Variants in DGKB observed in about 807,000 individuals in gnomAD.
DGKB encodes diacylglycerol kinase beta, also known as 90 kDa diacylglycerol kinase.
In DGKB, 67 loss-of-function variants were observed where a neutral mutation model predicts 114.3. That is an observed-to-expected ratio of 0.59 (90% CI 0.48 to 0.72). The LOEUF is 0.72. DGKB is among the 30% of genes least tolerant of loss of function. DGKB has a pLI of 0.00. For missense variants in DGKB, 907 were observed against 975.2 expected (o/e 0.93, Z 0.93); for synonymous variants, 398 against 323.1 (o/e 1.23, Z -2.49).
intron 23 of DGKB, among the ~76,000 whole-genome samples, chr7:14,206,092 G>T (rs1301347061): frequency 6.6e-6 from 1 of 151,810 alleles, no homozygotes; most frequent in Non-Finnish European, 1.5e-5. Flanking sequence ...TTAAAACTTG[G>T]CTTTACTGAA....
At chr7:14,261,247 A>G (rs375053789) in intron 23 of DGKB, among the ~76,000 whole-genome samples, 1 of 120,806 alleles carries the variant, frequency 8.3e-6, no homozygotes, top group African/African-American at 3.4e-5. Context: ...CATTTCAGTG[A>G]AAAAAAAAAA....
chr7:14,355,263 G>T (rs748057721), intron 21 of DGKB, among the ~76,000 whole-genome samples: 1 of 151,728 alleles, frequency 6.6e-6, no homozygotes, highest in African/African-American at 2.4e-5. Flanking sequence ...AGAATATAAA[G>T]TTCATTTCTT....
At chr7:14,365,518 T>G (rs928881790) in intron 21 of DGKB, among the ~76,000 whole-genome samples, 2 of 152,050 alleles carry the variant, frequency 1.3e-5, no homozygotes, top group Non-Finnish European at 2.9e-5. Context: ...ACAAAATAAT[T>G]TCCTTTTTCT....
At chr7:14,361,770 A>G (rs1815781571) in intron 21 of DGKB, among the ~76,000 whole-genome samples, 1 of 152,062 alleles carries the variant, frequency 6.6e-6, no homozygotes, top group African/African-American at 2.4e-5. Context: ...ACAGATAATA[A>G]ATGGAGACGA....
rs766707494 is a variant in DGKB, at chr7:14,839,824, G to GTTTTTTTAGTTTTTTAAAACTAAAAA, written c.70+1369_70+1370insTTTTTAGTTTTAAAAAACTAAAAAAA. Among the ~76,000 whole-genome samples, 657 of 152,034 alleles carry GTTTTTTTAGTTTTTTAAAACTAAAAA rather than the reference G, an allele frequency of 4.3e-3. 4 individuals are homozygous for GTTTTTTTAGTTTTTTAAAACTAAAAA. Among genetic ancestry groups the GTTTTTTTAGTTTTTTAAAACTAAAAA allele is most frequent in the Non-Finnish European group, 6.2e-3 (420 of 67,972 alleles). ...ATTATTGACTCAGTCAATAGTCATA[G>GTTTTTTTAGTTTTTTAAAACTAAAAA]ACTTTTTTTAGTTTTTTAAAATGCC... On this transcript the variant is annotated intron_variant, in intron 2 of 25. Transcript: ENST00000402815.
At position 14,356,393 on chromosome 7, in the gene DGKB, G is replaced by A. The variant is rs112417630; in HGVS notation, c.1836-11002C>T. 6.2e-3 allele frequency among the ~76,000 whole-genome samples: 721 copies of A among 116,958 alleles called. 10 individuals are homozygous for A. The highest frequency in any genetic ancestry group is 0.023 in the African/African-American group (681 of 29,718). 76.7% of individuals were successfully genotyped at this position (116,958 alleles called of 152,430 possible). On this transcript the variant is annotated intron_variant, in intron 21 of 25. Coordinates refer to ENST00000402815, the MANE Select transcript of DGKB (RefSeq NM_001350709.2). ...TTTTTTTTTTTTGAGACGGAGTCTC[G>A]CTCTATTGCCCAGGCTGGAGTGCAG...
chr7:14,689,199 A>ATCTTTTTTTTTTTTTTTTTTTTTTT (rs1822290246), intron 9 of DGKB, among the ~76,000 whole-genome samples: 1 of 76,566 alleles, frequency 1.3e-5, no homozygotes, highest in Non-Finnish European at 2.6e-5. Context: ...AACTCCTCTT[A>ATCTTTTTTTTTTTTTTTTTTTTTTT]TTTTTTTTTT....
intron 20 of DGKB, among the ~76,000 whole-genome samples, chr7:14,573,246 A>G (rs1798645064): frequency 6.6e-6 from 1 of 152,158 alleles, no homozygotes; most frequent in Non-Finnish European, 1.5e-5. Flanking sequence ...ACCATTGTAT[A>G]TTTAGCCTTC....
chr7:14,527,396 G>T (rs1029525823), intron 20 of DGKB, among the ~76,000 whole-genome samples: 1 of 151,922 alleles, frequency 6.6e-6, no homozygotes, highest in African/African-American at 2.4e-5. Flanking sequence ...TGGTCATTTT[G>T]GTAGCTCTAT....
At chr7:14,265,140 A>ATTTT (rs35138234) in intron 23 of DGKB, among the ~76,000 whole-genome samples, 133 of 142,744 alleles carry the variant, frequency 9.3e-4, no homozygotes, top group Middle Eastern at 3.6e-3. Context: ...TCCGGAGATC[A>ATTTT]TTTTTTTTTT....
Position 14,462,863 on chromosome 7 carries a change from A to G in DGKB, c.1835+15298T>C, listed in dbSNP as rs1400233702. The stretch of plus-strand genomic sequence containing the variant: ...ACTATATGACAAGGCTACAGTAACC[A>G]AAACAGCATGGTACTGGTACCAAAA... On this transcript the variant is annotated intron_variant, in intron 21 of 25. Coordinates refer to ENST00000402815, the MANE Select transcript of DGKB (RefSeq NM_001350709.2). Among the ~76,000 whole-genome samples, 4 of 152,214 alleles carry G rather than the reference A, an allele frequency of 2.6e-5. No individual in the cohort carries two copies. The East Asian group carries it at 7.7e-4, about 29-fold the overall frequency.
intron 23 of DGKB, among the ~76,000 whole-genome samples, chr7:14,201,616 T>G (rs1197894761): frequency 1.3e-5 from 2 of 151,850 alleles, no homozygotes; most frequent in Admixed American, 6.6e-5. Context: ...CCAACTAAGA[T>G]GCAAAATCCT....
chr7:14,907,887 C>T (rs1188228505), upstream of DGKB, among the ~76,000 whole-genome samples: 1 of 152,126 alleles, frequency 6.6e-6, no homozygotes, highest in Non-Finnish European at 1.5e-5. Context: ...CTGAGCCACC[C>T]ACAATGTGTG....
chr7:14,388,812 T>A (rs1583582646), intron 21 of DGKB, among the ~76,000 whole-genome samples: 1 of 152,290 alleles, frequency 6.6e-6, no homozygotes. Context: ...GATGTGGTGG[T>A]GACAACTGAG....
intron 13 of DGKB, among the ~76,000 whole-genome samples, chr7:14,669,180 C>G (rs1015232051): frequency 2.0e-5 from 3 of 152,132 alleles, no homozygotes; most frequent in Non-Finnish European, 4.4e-5. Flanking sequence ...GCCATTGTTG[C>G]CCCTCAACAC....
chr7:14,286,178 C>T (rs1402312675), intron 23 of DGKB, among the ~76,000 whole-genome samples: 1 of 152,130 alleles, frequency 6.6e-6, no homozygotes, highest in Non-Finnish European at 1.5e-5. Flanking sequence ...GGAAGCCCTA[C>T]ATGAAATCTA....
intron 1 of DGKB, among the ~76,000 whole-genome samples, chr7:14,869,208 T>C (rs1852109851): frequency 6.6e-6 from 1 of 152,200 alleles, no homozygotes; most frequent in Non-Finnish European, 1.5e-5. Context: ...AAATGAGTAA[T>C]GAAAACTAAA....
intron 23 of DGKB, among the ~76,000 whole-genome samples, chr7:14,270,848 A>C (rs775320785): frequency 6.6e-6 from 1 of 152,156 alleles, no homozygotes; most frequent in Non-Finnish European, 1.5e-5. Flanking sequence ...GTGGGGTAGA[A>C]GGGTTAGGTA....
intron 21 of DGKB, among the ~76,000 whole-genome samples, chr7:14,453,337 A>G (rs1831808547): frequency 6.6e-6 from 1 of 152,128 alleles, no homozygotes; most frequent in Non-Finnish European, 1.5e-5. Context: ...GTTCTGGTAG[A>G]TATTGCCTTT....
Sources: gnomAD v4.1 joint callset for allele counts (sites outside exome capture counted in the v4.1 genomes callset) on GRCh38, gnomAD v4.1.1 for gene constraint, MANE v1.5 for transcripts, NCBI Gene and HGNC (gene_info 2026-07-23, HGNC 2026-07-21) for gene names.